The following PAK5 variants were observed in gnomAD, a reference collection of about 807,000 sequenced individuals.
PAK5 encodes the protein serine/threonine-protein kinase PAK 5.
In PAK5, 16 loss-of-function variants were observed where a neutral mutation model predicts 65.9. That is an observed-to-expected ratio of 0.24 (90% CI 0.16 to 0.37). The LOEUF (loss-of-function observed/expected upper bound fraction) is 0.37. PAK5 is among the 10% of genes least tolerant of loss of function. The probability of loss-of-function intolerance (pLI) is 1.00; values close to 1 mark genes in which losing one functional copy is unlikely to be tolerated. For missense variants in PAK5, 785 were observed against 903.9 expected, an observed-to-expected ratio of 0.87 and a Z score of 1.69; for synonymous variants, 371 against 354.9, an observed-to-expected ratio of 1.05 and a Z score of -0.51.
chr20:9,817,146 A>G (rs942173377), intron 1 of PAK5, among the ~76,000 whole-genome samples: 1 of 152,148 alleles, frequency 6.6e-6, no homozygotes, highest in African/African-American at 2.4e-5. Flanking sequence ...AATAATAAAA[A>G]TTAAAAATAA....
intron 2 of PAK5, among the ~76,000 whole-genome samples, chr20:9,659,697 AG>A (rs1387436523): frequency 2.6e-5 from 4 of 152,310 alleles, no homozygotes; most frequent in Admixed American, 2.6e-4. Flanking sequence ...AATACTACAA[AG>A]TTGTAGTACA....
chr20:9,595,412 A>C (rs561091634), intron 3 of PAK5, among the ~76,000 whole-genome samples: 1 of 152,170 alleles, frequency 6.6e-6, no homozygotes, highest in Non-Finnish European at 1.5e-5. Context: ...TGATTCCCTC[A>C]ATGATACTAA....
intron 1 of PAK5, among the ~76,000 whole-genome samples, chr20:9,773,236 C>CT (rs1054774688): frequency 1.1e-4 from 17 of 151,878 alleles, no homozygotes; most frequent in Non-Finnish European, 1.9e-4. Flanking sequence ...TCTTTAAGTT[C>CT]TTTTTTTTAA....
At chr20:9,722,694 C>T (rs2048231378) in intron 1 of PAK5, among the ~76,000 whole-genome samples, 1 of 151,686 alleles carries the variant, frequency 6.6e-6, no homozygotes, top group Admixed American at 6.6e-5. Context: ...TTTCAGGCTA[C>T]AGTAAATATT....
intron 1 of PAK5, among the ~76,000 whole-genome samples, chr20:9,813,987 G>A (rs1569098659): frequency 6.6e-6 from 1 of 152,110 alleles, no homozygotes; most frequent in Non-Finnish European, 1.5e-5. Flanking sequence ...AGATTAACTG[G>A]CTATTTTAGG....
chr20:9,760,223 C>A (rs2048683002), intron 1 of PAK5, among the ~76,000 whole-genome samples: 1 of 152,102 alleles, frequency 6.6e-6, no homozygotes, highest in South Asian at 2.1e-4. Context: ...AAAACAGAGA[C>A]AGAAACTTAA....
intron 1 of PAK5, among the ~76,000 whole-genome samples, chr20:9,763,245 C>T (rs966809507): frequency 1.1e-4 from 16 of 152,024 alleles, no homozygotes; most frequent in African/African-American, 9.7e-5. Flanking sequence ...GACGGTAGAA[C>T]TCAGTGTTCT....
chr20:9,703,548 T>A (rs1268206601), intron 2 of PAK5, among the ~76,000 whole-genome samples: 2 of 152,144 alleles, frequency 1.3e-5, no homozygotes, highest in East Asian at 1.9e-4. Flanking sequence ...GGGTGCTAAG[T>A]GAAAATGCTA....
At chr20:9,748,471 T>C (rs2048534785) in intron 1 of PAK5, among the ~76,000 whole-genome samples, 1 of 152,162 alleles carries the variant, frequency 6.6e-6, no homozygotes, top group Non-Finnish European at 1.5e-5. Flanking sequence ...AACAGCATGG[T>C]ACTAGTACCA....
intron 5 of PAK5, among the ~76,000 whole-genome samples, chr20:9,565,219 C>G (rs1241624714): frequency 6.6e-6 from 1 of 151,754 alleles, no homozygotes; most frequent in South Asian, 2.1e-4. Flanking sequence ...ATATAATTAT[C>G]TCAAACAAAA....
intron 2 of PAK5, among the ~76,000 whole-genome samples, chr20:9,670,278 T>C (rs2047478678): frequency 6.6e-6 from 1 of 152,202 alleles, no homozygotes; most frequent in African/African-American, 2.4e-5. Context: ...ATCCTCTGGG[T>C]ATATACCCAG....
At chr20:9,725,243 A>C (rs2048262609) in intron 1 of PAK5, among the ~76,000 whole-genome samples, 1 of 152,176 alleles carries the variant, frequency 6.6e-6, no homozygotes, top group South Asian at 2.1e-4. Flanking sequence ...AAGTATTTGC[A>C]AAAATTTACA....
At chr20:9,624,842 T>A in intron 3 of PAK5, among the ~76,000 whole-genome samples, 1 of 152,134 alleles carries the variant, frequency 6.6e-6, no homozygotes, top group African/African-American at 2.4e-5. Flanking sequence ...TTCAAATATG[T>A]TACTAACTAT....
At chr20:9,806,525 T>C (rs371323345) in intron 1 of PAK5, among the ~76,000 whole-genome samples, 59 of 152,288 alleles carry the variant, frequency 3.9e-4, no homozygotes, top group African/African-American at 1.3e-3. Flanking sequence ...CTTATTTCTG[T>C]AACTCACTGT....
intron 2 of PAK5, among the ~76,000 whole-genome samples, chr20:9,678,438 G>C (rs56000226): frequency 0.19 from 28,555 of 152,032 alleles, 2,917 homozygotes; most frequent in East Asian, 0.36. Flanking sequence ...ATTGTGGCAG[G>C]CGCCTGTAGT....
Position 9,838,603 on chromosome 20 carries a change from A to G in PAK5, c.-162+159T>C, listed in dbSNP as rs1213550224. On this transcript the variant is annotated intron_variant, in intron 1 of 9. Coordinates refer to ENST00000353224, the MANE Select transcript of PAK5 (RefSeq NM_177990.4). This position sits in a 1 kb window ranked among gnomAD's most constrained non-coding sequence, Gnocchi z 4.5. ...CAGGCAGCAGGTCCCTAGCCTTTGC[A>G]TCTCCTAGGAGATGCAGGATCGCGC... is the stretch of plus-strand genomic sequence containing the variant. Among the ~76,000 whole-genome samples the G allele has an allele frequency of 6.6e-6, 1 of 152,158 alleles. No homozygotes were observed. Among genetic ancestry groups the G allele is most frequent in the Non-Finnish European group, 1.5e-5 (1 of 68,012 alleles).
rs1253667369 is a variant in PAK5, at chr20:9,538,688, T to A, written c.*774A>T. ...TGATCTTTAAAAATATTTAACTTTA[T>A]CCCAAGGAGTGGTATACTGTGGCTC... On this transcript the variant is annotated 3_prime_UTR_variant, in exon 10 of 10. Transcript: ENST00000353224. 1.3e-5 allele frequency: 3 copies of A among 233,290 alleles called. No individual in the cohort carries two copies. Among genetic ancestry groups the A allele is most frequent in the Non-Finnish European group, 2.5e-5 (3 of 117,904 alleles). The allele number at this position is 233,290 out of a possible 1,614,324, so 14.5% of individuals were successfully genotyped here.
chr20:9,578,105 C>A (rs2045918861), intron 4 of PAK5, among the ~76,000 whole-genome samples: 1 of 152,088 alleles, frequency 6.6e-6, no homozygotes, highest in Non-Finnish European at 1.5e-5. Context: ...AACATACGCC[C>A]AAATAATAGG....
At chr20:9,714,471 C>T (rs1340885515) in intron 1 of PAK5, among the ~76,000 whole-genome samples, 2 of 152,074 alleles carry the variant, frequency 1.3e-5, no homozygotes, top group African/African-American at 4.8e-5. Context: ...CTTTACATGG[C>T]TATTTTCCAG....
Sources: gnomAD v4.1 joint callset for allele counts (sites outside exome capture counted in the v4.1 genomes callset) on GRCh38, gnomAD v4.1.1 for gene constraint, Gnocchi (gnomAD v3.1) non-coding constraint, MANE v1.5 for transcripts, NCBI Gene and HGNC (gene_info 2026-07-23, HGNC 2026-07-21) for gene names.